Variants in ARHGAP32 observed in about 807,000 individuals in gnomAD.
ARHGAP32 encodes the protein Rho GTPase activating protein 32.
Under a neutral mutation model 186.5 loss-of-function variants are expected in ARHGAP32, and 51 were observed. The ratio of observed to expected loss-of-function variants is 0.27; its 90% confidence interval spans 0.22 to 0.35. ARHGAP32 has a LOEUF of 0.35. Among genes scored for constraint, ARHGAP32 ranks in the 10% least tolerant of loss-of-function variants. The probability of loss-of-function intolerance (pLI) is 1.00; values close to 1 mark genes in which losing one functional copy is unlikely to be tolerated. For missense variants in ARHGAP32, 2,186 were observed against 2,623.5 expected (o/e 0.83, Z 3.64); for synonymous variants, 950 against 964.3 (o/e 0.99, Z 0.27).
intron 11 of ARHGAP32, among the ~76,000 whole-genome samples, chr11:129,029,675 G>A (rs896874495): frequency 2.0e-5 from 3 of 151,744 alleles, no homozygotes; most frequent in Non-Finnish European, 4.4e-5. Flanking sequence ...TGGTGCAGGC[G>A]CCTGTAGTCC....
chr11:129,237,171 T>C (rs984478540), intron 1 of ARHGAP32, among the ~76,000 whole-genome samples: 4 of 152,228 alleles, frequency 2.6e-5, no homozygotes, highest in Admixed American at 1.3e-4. Context: ...GTTGAGGATT[T>C]TGGCATCAAT....
chr11:129,064,493 C>G (rs539433833), intron 8 of ARHGAP32, among the ~76,000 whole-genome samples: 1 of 152,086 alleles, frequency 6.6e-6, no homozygotes, highest in Admixed American at 6.5e-5. Context: ...TAAAAAGGAC[C>G]CTTTAAAAAG....
chr11:129,009,713 C>CT (rs1459075761), intron 11 of ARHGAP32, among the ~76,000 whole-genome samples: 3 of 151,976 alleles, frequency 2.0e-5, no homozygotes, highest in Non-Finnish European at 2.9e-5. Flanking sequence ...ATATGTATCC[C>CT]TTTTTTTTAA....
intron 5 of ARHGAP32, among the ~76,000 whole-genome samples, chr11:129,100,836 C>T (rs1415068002): frequency 2.0e-5 from 3 of 152,206 alleles, no homozygotes; most frequent in Non-Finnish European, 2.9e-5. Flanking sequence ...AGAGGGCCTC[C>T]ACCCACCACC....
At position 129,224,827 on chromosome 11, in the gene ARHGAP32, G is replaced by C. The variant is rs538008156; in HGVS notation, c.-5+54319C>G. Among the ~76,000 whole-genome samples the C allele has an allele frequency of 5.5e-5, 8 of 145,138 alleles. No homozygotes were observed. The South Asian group carries it at 1.8e-3, about 33-fold the overall frequency. On this transcript the variant is annotated intron_variant, in intron 1 of 6. Transcript: ENST00000525234. ...CACAAGCATTTGCCTAAAATATTTA[G>C]AGGGCCAGGTGGGGTGGCTCATGCC...
chr11:128,981,949 T>C lies in ARHGAP32; in HGVS notation c.1527-13A>G. 6.8e-7 allele frequency: 1 copy of C among 1,481,092 alleles called. No individual in the cohort carries two copies. 91.7% of individuals were successfully genotyped at this position (1,481,092 alleles called of 1,614,324 possible). A position where few individuals can be genotyped will look rare whatever the true frequency, so the allele number is the denominator to read the frequency against. On this transcript the variant is annotated splice_polypyrimidine_tract_variant and intron_variant, in intron 15 of 22. Coordinates refer to ENST00000682385, the MANE Select transcript of ARHGAP32 (RefSeq NM_001378024.1). ...GAACTCCAGTGTTCTGGAAATAAAA[T>C]ACAACATATTAACAGAAAGAAACAT...
rs1591481976 is a variant in ARHGAP32, at chr11:128,970,173, G to A, written c.5040C>T (p.Ala1680=). 1 of 1,614,202 alleles carries A rather than the reference G, an allele frequency of 6.2e-7. No individual in the cohort carries two copies. The highest frequency in any genetic ancestry group is 8.5e-7 in the Non-Finnish European group (1 of 1,180,034). Residue 1680 remains alanine, a synonymous_variant, in exon 23 of 23, where the codon GCC becomes GCT. Coordinates refer to ENST00000682385, the MANE Select transcript of ARHGAP32 (RefSeq NM_001378024.1). The surrounding 1 kb of genome is among the most constrained non-coding windows in gnomAD (Gnocchi z 5.8). The part of the protein sequence containing the change: ...SSSSYYSPDG[A]LCDVDAYGTV... ...TGCCATAGGCATCCACATCACACAG[G>A]GCCCCATCTGGACTGTAATAGGAAC...
At chr11:129,048,512 C>A in intron 10 of ARHGAP32, among the ~76,000 whole-genome samples, 1 of 150,590 alleles carries the variant, frequency 6.6e-6, no homozygotes, top group Admixed American at 6.6e-5. Flanking sequence ...ACAGAGACCA[C>A]TAGTGATAAA....
intron 2 of ARHGAP32, among the ~76,000 whole-genome samples, chr11:129,133,046 C>T (rs368410491): frequency 1.3e-3 from 200 of 152,078 alleles, no homozygotes; most frequent in African/African-American, 4.7e-3. Context: ...GCATGACTGG[C>T]GAGGCCTCAG....
intron 12 of ARHGAP32, among the ~76,000 whole-genome samples, chr11:128,993,633 T>C (rs1032694295): frequency 1.3e-5 from 2 of 151,928 alleles, no homozygotes; most frequent in African/African-American, 4.8e-5. Context: ...TATTTGTATG[T>C]GTAAATATAT....
intron 6 of ARHGAP32, among the ~76,000 whole-genome samples, chr11:129,070,743 TA>T (rs1940841687): frequency 1.3e-5 from 2 of 152,034 alleles, no homozygotes; most frequent in Admixed American, 1.3e-4. Context: ...ACAAAATTCC[TA>T]AAAATTGACA....
intron 1 of ARHGAP32, among the ~76,000 whole-genome samples, chr11:129,178,913 C>A (rs1591676400): frequency 2.6e-5 from 4 of 152,238 alleles, no homozygotes. Context: ...ACACCAAAAG[C>A]AATGCCAACA....
intron 2 of ARHGAP32, among the ~76,000 whole-genome samples, chr11:129,155,205 G>A (rs746405620): frequency 7.2e-5 from 11 of 152,270 alleles, no homozygotes; most frequent in East Asian, 1.9e-4. Context: ...CCACTGCTAC[G>A]TGGCACACTA....
intron 12 of ARHGAP32, among the ~76,000 whole-genome samples, chr11:128,988,685 A>T (rs1386349875): frequency 6.6e-6 from 1 of 152,198 alleles, no homozygotes; most frequent in Non-Finnish European, 1.5e-5. Context: ...GCCCAAGGCA[A>T]TTTCAAACAG....
At position 129,014,968 on chromosome 11, in the gene ARHGAP32, G is replaced by T. The variant is rs906417323; in HGVS notation, c.1046-16500C>A. 1.1e-4 allele frequency among the ~76,000 whole-genome samples: 17 copies of T among 152,040 alleles called. 1 individual carries two copies. The highest frequency in any genetic ancestry group is 8.8e-5 in the Non-Finnish European group (6 of 67,972). ...ATTTTAATTTAAAATTCCATAAATTGCTTTTATTTAAAGCACGACAATATA... is the reference window on the plus strand; with the variant it reads ...ATTTTAATTTAAAATTCCATAAATTTCTTTTATTTAAAGCACGACAATATA... On this transcript the variant is annotated intron_variant, in intron 11 of 22. Coordinates refer to ENST00000682385, the MANE Select transcript of ARHGAP32 (RefSeq NM_001378024.1).
In ARHGAP32 at chr11:129,093,724, A is replaced by G. The variant is rs1941648306; in HGVS notation, c.445-17T>C. The G allele has an allele frequency of 2.6e-6, 4 of 1,541,848 alleles. No homozygotes were observed. The East Asian group carries it at 6.9e-5, about 27-fold the overall frequency. Reference sequence around the variant, plus strand: ...AAGTGAAAGCTACATCACAGAAAAAAAAGAAGAGGGGGAAAGAAAGTCATG... The same window carrying G: ...AAGTGAAAGCTACATCACAGAAAAAGAAGAAGAGGGGGAAAGAAAGTCATG... On this transcript the variant is annotated splice_polypyrimidine_tract_variant and intron_variant, in intron 5 of 22. Transcript: ENST00000682385.
At chr11:129,151,690 T>C (rs1479688566) in intron 2 of ARHGAP32, among the ~76,000 whole-genome samples, 2 of 152,206 alleles carry the variant, frequency 1.3e-5, no homozygotes, top group South Asian at 2.1e-4. Flanking sequence ...CTGACATAAC[T>C]TGTCAAAGAC....
intron 10 of ARHGAP32, among the ~76,000 whole-genome samples, chr11:129,045,395 T>C (rs1467581977): frequency 1.3e-5 from 2 of 152,212 alleles, no homozygotes; most frequent in East Asian, 3.8e-4. Context: ...TTTTGTTTCT[T>C]GAAGCCAAAA....
intron 1 of ARHGAP32, among the ~76,000 whole-genome samples, chr11:129,223,734 G>C (rs1475688803): frequency 6.6e-6 from 1 of 152,132 alleles, no homozygotes; most frequent in Non-Finnish European, 1.5e-5. Flanking sequence ...AAAACAAAAA[G>C]TAAATTCAAT....
Sources: gnomAD v4.1 joint callset for allele counts (sites outside exome capture counted in the v4.1 genomes callset) on GRCh38, gnomAD v4.1.1 for gene constraint, Gnocchi (gnomAD v3.1) non-coding constraint, MANE v1.5 for transcripts, NCBI Gene and HGNC (gene_info 2026-07-23, HGNC 2026-07-21) for gene names.